The following HAUS7 variants were observed in gnomAD, a reference collection of about 807,000 sequenced individuals.
HAUS7 encodes HAUS augmin-like complex subunit 7.
HAUS7 carries 3 observed loss-of-function variants against 28.4 expected under a neutral mutation model. The ratio of observed to expected loss-of-function variants is 0.11; its 90% CI spans 0.05 to 0.27. HAUS7 has a LOEUF of 0.27. Ranked by LOEUF, HAUS7 falls within the 10% of genes least tolerant of loss-of-function variation. HAUS7 has a pLI of 1.00. For missense variants in HAUS7, 284 were observed against 297.3 expected, an observed-to-expected ratio of 0.96 and a Z score of 0.33; for synonymous variants, 165 against 132.1, an observed-to-expected ratio of 1.25 and a Z score of -1.71.
chrX:153,471,145 G>C (rs1232775483), upstream of HAUS7: 1 of 266,482 alleles, frequency 3.8e-6, no homozygotes, highest in East Asian at 1.1e-4. Context: ...CCATGCTCAC[G>C]CTGTAGTTAG....
intron 4 of HAUS7, among the ~76,000 whole-genome samples, chrX:153,459,346 T>C (rs1285481095): frequency 8.9e-6 from 1 of 112,657 alleles, no homozygotes; most frequent in Non-Finnish European, 1.9e-5. Flanking sequence ...TAGGTTTTTC[T>C]GTTTCTTCAC....
chrX:153,453,885 C>T (rs2089269046), intron 9 of HAUS7, among the ~76,000 whole-genome samples: 1 of 107,843 alleles, frequency 9.3e-6, no homozygotes, highest in African/African-American at 3.4e-5. Flanking sequence ...TGTGGCGTGA[C>T]CTCAGCTCAC....
In HAUS7 at chrX:153,452,949, G is replaced by A. The variant is rs146431872; in HGVS notation, c.1045+1445C>T. On this transcript the variant is annotated intron_variant, in intron 9 of 9. Transcript: ENST00000370211. ...TGAGCTGAGACTGCACTCCAGCCTG[G>A]GTGACAGAGCGAGACTCCATCTCAA... Among the ~76,000 whole-genome samples the A allele has an allele frequency of 2.3e-3, 259 of 111,840 alleles. 3 individuals carry two copies. Among genetic ancestry groups the A allele is most frequent in the African/African-American group, 8.0e-3 (247 of 30,781 alleles).
intron 1 of HAUS7, among the ~76,000 whole-genome samples, chrX:153,493,017 C>T (rs2089681017): frequency 1.8e-5 from 2 of 112,026 alleles, no homozygotes; most frequent in Non-Finnish European, 3.8e-5. Flanking sequence ...TTTTCTGAAA[C>T]GGCTTTACTG....
chrX:153,483,438 A>G (rs2089614070), intron 1 of HAUS7: 1 of 755,630 alleles, frequency 1.3e-6, no homozygotes, highest in Non-Finnish European at 1.6e-6. Flanking sequence ...GCCTGGATTC[A>G]TCTCCCGTGA....
At chrX:153,448,559 T>A (rs1445774185) in intron 9 of HAUS7, among the ~76,000 whole-genome samples, 2 of 109,587 alleles carry the variant, frequency 1.8e-5, no homozygotes, top group Non-Finnish European at 3.8e-5. Context: ...TATATATATA[T>A]AAAATAAATA....
At position 153,470,440 on chromosome X, in the gene HAUS7, C is replaced by G; in HGVS notation, c.108+10G>C. 8.3e-7 allele frequency: 1 copy of G among 1,201,731 alleles called. No individual in the cohort carries two copies. Among genetic ancestry groups the G allele is most frequent in the Non-Finnish European group, 1.1e-6 (1 of 889,882 alleles). On this transcript the variant is annotated intron_variant, in intron 1 of 9. Transcript: ENST00000370211. ...CCCCGCCCTGGAGTGGCTTTCTGGGCCAACAGCACCTTCAGCTTCCCGAAC... is the reference window on the plus strand; with the variant it reads ...CCCCGCCCTGGAGTGGCTTTCTGGGGCAACAGCACCTTCAGCTTCCCGAAC...
At chrX:153,463,892 C>G (rs1388459886) in intron 3 of HAUS7, among the ~76,000 whole-genome samples, 7 of 112,841 alleles carry the variant, frequency 6.2e-5, no homozygotes, top group African/African-American at 2.3e-4. Flanking sequence ...GCTGGCTGTT[C>G]CCAGTGCTTC....
upstream of HAUS7, among the ~76,000 whole-genome samples, chrX:153,472,527 C>G (rs782288366): frequency 7.1e-3 from 750 of 105,923 alleles, 5 homozygotes; most frequent in Non-Finnish European, 0.011. Flanking sequence ...GGGGAGGGAA[C>G]AGAGAGGCTG....
At chrX:153,474,413 T>C (rs192381638), upstream of HAUS7, among the ~76,000 whole-genome samples, 3,572 of 111,427 alleles carry the variant, frequency 0.032, 130 homozygotes, top group African/African-American at 0.11. Context: ...CACCATCGCC[T>C]CCAGTGGGCC....
chrX:153,468,490 T>C (rs375972122), intron 2 of HAUS7, among the ~76,000 whole-genome samples: 9 of 112,273 alleles, frequency 8.0e-5, no homozygotes, highest in African/African-American at 2.9e-4. Flanking sequence ...AGGGACTACG[T>C]CACCAGGGGA....
intron 4 of HAUS7, 113 bp downstream of exon 4, chrX:153,462,497 C>A: frequency 1.6e-6 from 1 of 640,967 alleles, no homozygotes; most frequent in Middle Eastern, 4.8e-4. Flanking sequence ...GCCTGAGGAA[C>A]CTCAAAGGCA....
At chrX:153,481,116 C>G (rs1015698043) in intron 1 of HAUS7, 1 of 594,152 alleles carries the variant, frequency 1.7e-6, no homozygotes, top group Middle Eastern at 9.8e-4. Flanking sequence ...CCCGGTGTTT[C>G]CAAGCCAAGT....
At chrX:153,454,269 T>C (rs2089273427) in intron 9 of HAUS7, 125 bp downstream of exon 9, 1 of 456,145 alleles carries the variant, frequency 2.2e-6, no homozygotes, top group African/African-American at 2.4e-5. Flanking sequence ...AAAACATGCA[T>C]TAGAAAATGA....
At chrX:153,483,640 G>A (rs1161632870) in intron 1 of HAUS7, among the ~76,000 whole-genome samples, 3 of 111,731 alleles carry the variant, frequency 2.7e-5, no homozygotes, top group African/African-American at 9.8e-5. Context: ...TGGGTCACTG[G>A]GGTCACCTCC....
intron 1 of HAUS7, chrX:153,486,619 C>A (rs62594117): frequency 0.26 from 257,235 of 980,209 alleles, 25,606 homozygotes; most frequent in Non-Finnish European, 0.29. Context: ...TGCCCCACCC[C>A]TCCCTTGCAG....
At chrX:153,490,662 G>A (rs927746319) in intron 1 of HAUS7, among the ~76,000 whole-genome samples, 11 of 112,835 alleles carry the variant, frequency 9.7e-5, no homozygotes, top group Admixed American at 1.9e-4. Flanking sequence ...CCACAGGCTC[G>A]GAGTGAGGCC....
chrX:153,469,690 G>A (rs1319642251), intron 1 of HAUS7, among the ~76,000 whole-genome samples: 1 of 112,265 alleles, frequency 8.9e-6, no homozygotes, highest in African/African-American at 3.2e-5. Flanking sequence ...ATCTTGCCAA[G>A]AGTTCAAGTC....
rs1223224813 is a variant in HAUS7 at position 153,457,170 on chromosome X, C to T, written c.413G>A (p.Arg138Gln). The T allele has an allele frequency of 1.7e-6, 2 of 1,202,113 alleles. No homozygotes were observed. The highest frequency in any genetic ancestry group is 2.3e-6 in the Non-Finnish European group (2 of 887,198). ...ACTGGAGCACCCAATGGTCAGGCTCCGGATGGTATCGAGCAACTGGTCCAT... is the reference window on the plus strand; with the variant it reads ...ACTGGAGCACCCAATGGTCAGGCTCTGGATGGTATCGAGCAACTGGTCCAT... ...HFMDQLLDTIRSLTIGCSSCS... is the reference protein window; with the variant it reads ...HFMDQLLDTIQSLTIGCSSCS... Residue 138 changes from arginine (R) to glutamine (Q), a missense_variant, in exon 5 of 10, where the codon CGG (arginine) becomes CAG (glutamine). Transcript: ENST00000370211.
Sources: allele counts gnomAD v4.1 joint callset (sites outside exome capture counted in the v4.1 genomes callset), GRCh38; gene constraint gnomAD v4.1.1; transcripts MANE v1.5; gene names NCBI Gene and HGNC (gene_info 2026-07-23, HGNC 2026-07-21).